BNC2: variants seen among roughly 807,000 people sequenced by gnomAD.
BNC2 encodes zinc finger protein basonuclin-2.
Under a neutral mutation model 76.3 loss-of-function variants are expected in BNC2, and 20 were observed. The observed-to-expected ratio is 0.26, with a 90% CI of 0.18 to 0.38. The LOEUF is 0.38. Among genes scored for constraint, BNC2 ranks in the 10% least tolerant of loss-of-function variants. The pLI, the probability that BNC2 is intolerant of heterozygous loss-of-function variation, is 1.00. For missense variants in BNC2, 1,382 were observed against 1,399.8 expected (o/e 0.99, Z 0.20); for synonymous variants, 582 against 514.8 (o/e 1.13, Z -1.77).
intron 3 of BNC2, among the ~76,000 whole-genome samples, chr9:16,674,607 G>A (rs776694533): frequency 2.9e-4 from 44 of 152,066 alleles, no homozygotes; most frequent in Non-Finnish European, 5.4e-4. Context: ...GGATCTAATC[G>A]ATGTTTATTT....
chr9:16,480,613 G>A (rs865865927), intron 5 of BNC2, among the ~76,000 whole-genome samples: 10 of 152,216 alleles, frequency 6.6e-5, no homozygotes, highest in African/African-American at 1.9e-4. Context: ...GCAGCAGGCC[G>A]GCCCTGCTGG....
At chr9:16,446,459 T>C (rs551551067) in intron 5 of BNC2, among the ~76,000 whole-genome samples, 1 of 152,104 alleles carries the variant, frequency 6.6e-6, no homozygotes, top group Non-Finnish European at 1.5e-5. Context: ...CAAATATTTA[T>C]AATTTTTTTC....
chr9:16,528,029 CA>C (rs1817864279), intron 5 of BNC2, among the ~76,000 whole-genome samples: 1 of 152,082 alleles, frequency 6.6e-6, no homozygotes, highest in African/African-American at 2.4e-5. Flanking sequence ...GAACAGATGC[CA>C]AATGCATCTT....
intron 3 of BNC2, among the ~76,000 whole-genome samples, chr9:16,619,332 CA>C (rs1299012144): frequency 7.0e-6 from 1 of 141,878 alleles, no homozygotes; most frequent in African/African-American, 3.0e-5. Context: ...TCTTTAAAAA[CA>C]AAAAACAAAA....
Position 16,523,169 on chromosome 9 carries a change from G to A in BNC2, c.669+29361C>T, listed in dbSNP as rs141763336. On this transcript the variant is annotated intron_variant, in intron 5 of 6. Coordinates refer to ENST00000380672, the MANE Select transcript of BNC2 (RefSeq NM_017637.6). ...CTGTTCACAAACATAACACGGAAAG[G>A]GTTTTTAAAATAAAACAACTGGCCG... 1.4e-3 allele frequency among the ~76,000 whole-genome samples: 208 copies of A among 152,204 alleles called. 1 individual carries two copies. The highest frequency in any genetic ancestry group is 9.1e-3 in the South Asian group (44 of 4,824).
intron 3 of BNC2, among the ~76,000 whole-genome samples, chr9:16,687,644 A>G (rs1823017828): frequency 6.6e-6 from 1 of 152,214 alleles, no homozygotes; most frequent in Non-Finnish European, 1.5e-5. Context: ...GACTTAACTA[A>G]GGCAGATTCA....
chr9:16,775,553 A>G (rs1326713641), intron 1 of BNC2: 2 of 155,164 alleles, frequency 1.3e-5, no homozygotes, highest in African/African-American at 4.8e-5. Flanking sequence ...TTCAAGAGCA[A>G]TAGCTTCTGA....
chr9:16,629,897 C>T (rs1242407928), intron 3 of BNC2, among the ~76,000 whole-genome samples: 3 of 152,126 alleles, frequency 2.0e-5, no homozygotes, highest in Admixed American at 6.6e-5. Flanking sequence ...TTGATGAAGA[C>T]GGGTGGCTGT....
At chr9:16,420,448 A>G (rs1820686667) in intron 6 of BNC2, among the ~76,000 whole-genome samples, 2 of 150,990 alleles carry the variant, frequency 1.3e-5, no homozygotes, top group Non-Finnish European at 2.9e-5. Context: ...AAAAACGGAA[A>G]AACAGAAACT....
At chr9:16,675,028 C>A (rs1366731276) in intron 3 of BNC2, among the ~76,000 whole-genome samples, 1 of 152,098 alleles carries the variant, frequency 6.6e-6, no homozygotes, top group Non-Finnish European at 1.5e-5. Flanking sequence ...AAGCAAGACC[C>A]AAATATTCCA....
chr9:16,577,257 G>C (rs944445951), intron 4 of BNC2, among the ~76,000 whole-genome samples: 1 of 151,340 alleles, frequency 6.6e-6, no homozygotes, highest in African/African-American at 2.4e-5. Flanking sequence ...TTTCTATTTG[G>C]GTGAAGGTCT....
chr9:16,449,582 C>T (rs535442609), intron 5 of BNC2, among the ~76,000 whole-genome samples: 2 of 152,174 alleles, frequency 1.3e-5, no homozygotes, highest in Admixed American at 1.3e-4. Context: ...TGTTTATCTG[C>T]CATTGCCTTG....
chr9:16,499,098 G>A (rs957541123), intron 5 of BNC2, among the ~76,000 whole-genome samples: 4 of 152,128 alleles, frequency 2.6e-5, no homozygotes, highest in Admixed American at 2.0e-4. Context: ...TTAAAATATG[G>A]ACGCTAATGA....
At chr9:16,421,869 A>T (rs908839987) in intron 6 of BNC2, among the ~76,000 whole-genome samples, 1 of 150,880 alleles carries the variant, frequency 6.6e-6, no homozygotes, top group Non-Finnish European at 1.5e-5. Flanking sequence ...CTACCCGTTT[A>T]TTATTTTTAA....
At chr9:16,811,322 G>A (rs530626490) in intron 1 of BNC2, among the ~76,000 whole-genome samples, 43 of 151,334 alleles carry the variant, frequency 2.8e-4, no homozygotes, top group Non-Finnish European at 4.6e-4. Context: ...AGGCCAACGC[G>A]GGTGGATCAT....
intron 3 of BNC2, among the ~76,000 whole-genome samples, chr9:16,610,383 C>T (rs886796873): frequency 6.6e-6 from 1 of 152,058 alleles, no homozygotes; most frequent in East Asian, 1.9e-4. Context: ...TCCTTAAATA[C>T]CCCCAGAAGG....
chr9:16,428,311 C>T (rs374859793), intron 6 of BNC2, among the ~76,000 whole-genome samples: 2 of 152,270 alleles, frequency 1.3e-5, no homozygotes, highest in East Asian at 1.9e-4. Flanking sequence ...AGAGTTAGAG[C>T]GGCTCCCCTC....
intron 3 of BNC2, among the ~76,000 whole-genome samples, chr9:16,706,573 T>C (rs1266465597): frequency 6.6e-6 from 1 of 152,200 alleles, no homozygotes; most frequent in Non-Finnish European, 1.5e-5. Context: ...AACATGCACA[T>C]ATAAAATAAA....
intron 3 of BNC2, among the ~76,000 whole-genome samples, chr9:16,677,883 C>T (rs1822699623): frequency 6.6e-6 from 1 of 152,102 alleles, no homozygotes; most frequent in East Asian, 1.9e-4. Flanking sequence ...AATGGTCACA[C>T]AACTTTATGT....
Sources: gnomAD v4.1 joint callset for allele counts (sites outside exome capture counted in the v4.1 genomes callset) on GRCh38, gnomAD v4.1.1 for gene constraint, MANE v1.5 for transcripts, NCBI Gene and HGNC (gene_info 2026-07-23, HGNC 2026-07-21) for gene names.